Variants in COL12A1 observed in about 807,000 individuals in gnomAD.
COL12A1 encodes the protein collagen alpha-1(XII) chain.
In COL12A1, 114 loss-of-function variants were observed where a neutral mutation model predicts 349.7. The observed-to-expected ratio is 0.33, with a 90% CI of 0.28 to 0.38. The LOEUF (loss-of-function observed/expected upper bound fraction) is 0.38. Among genes scored for constraint, COL12A1 ranks in the 10% least tolerant of loss-of-function variants. The pLI is 1.00. For synonymous variants in COL12A1, 1,369 were observed against 1,329.0 expected (o/e 1.03, Z -0.66); for missense variants, 3,284 against 3,756.9 (o/e 0.87, Z 3.29).
intron 2 of COL12A1, among the ~76,000 whole-genome samples, chr6:75,199,691 C>A (rs1443835650): frequency 6.6e-6 from 1 of 152,154 alleles, no homozygotes; most frequent in African/African-American, 2.4e-5. Context: ...CACTCAGATA[C>A]AGTTGATAAA....
In COL12A1 at chr6:75,117,477, G is replaced by A; in HGVS notation, c.7424C>T (p.Pro2475Leu). The A allele has an allele frequency of 6.2e-7, 1 of 1,613,696 alleles. No homozygotes were observed. The highest frequency in any genetic ancestry group is 1.1e-5 in the South Asian group (1 of 91,074). Residue 2475 changes from proline (P) to leucine (L), a missense_variant, in exon 47 of 66, where the codon CCA (proline) becomes CTA (leucine). Around this residue, in one of 2 missense-constraint regions of COL12A1, gnomAD observed 683 missense variants for 932.1 expected, o/e 0.73. Transcript: ENST00000322507. ...YNELANIASK[P>L]SERHVFIVDD... is the part of the protein sequence containing the mutation. Reference sequence around the variant, plus strand: ...CACAATGAACACGTGCCGTTCACTTGGTTTGCTGGCAATGTTGGCAAGCTC... The same window carrying A: ...CACAATGAACACGTGCCGTTCACTTAGTTTGCTGGCAATGTTGGCAAGCTC...
At chr6:75,181,960 G>A (rs1350819527) in intron 10 of COL12A1, among the ~76,000 whole-genome samples, 2 of 150,582 alleles carry the variant, frequency 1.3e-5, no homozygotes, top group African/African-American at 5.0e-5. Context: ...GCCAGGCGTG[G>A]TGGCACACTC....
At chr6:75,193,623 C>A (rs1770062083) in intron 3 of COL12A1, among the ~76,000 whole-genome samples, 1 of 152,118 alleles carries the variant, frequency 6.6e-6, no homozygotes, top group Admixed American at 6.5e-5. Flanking sequence ...AGTACGTGTG[C>A]ACAACGTGCA....
chr6:75,190,176 A>G (rs16886261), intron 5 of COL12A1, among the ~76,000 whole-genome samples: 1,969 of 152,068 alleles, frequency 0.013, 41 homozygotes, highest in African/African-American at 0.045. Context: ...CTTTACAAGT[A>G]CAAATTTTAT....
rs143271909 is a variant in COL12A1 at position 75,102,477 on chromosome 6, G to T, written c.8415+120C>A. The stretch of plus-strand genomic sequence containing the variant: ...CAGTCATCATAGAGGCTGCTATCTC[G>T]GTGACTAACCTCGTTGAATTATCTG... On this transcript the variant is annotated intron_variant, in intron 56 of 65. Transcript: ENST00000322507. The T allele has an allele frequency of 1.2e-5, 8 of 654,472 alleles. No homozygotes were observed. The Admixed American group carries it at 1.6e-4, about 13-fold the overall frequency. 40.5% of individuals were successfully genotyped at this position (654,472 alleles called of 1,614,324 possible).
At chr6:75,134,941 C>A (rs750157031) in intron 31 of COL12A1, 86 bp from the exon 32 acceptor site, 250 of 1,401,224 alleles carry the variant, frequency 1.8e-4, no homozygotes, top group Admixed American at 1.9e-4. Context: ...TACAGGGAAG[C>A]TGTTTGAGAC....
intron 27 of COL12A1, among the ~76,000 whole-genome samples, chr6:75,140,186 C>G (rs1015617351): frequency 5.9e-5 from 9 of 152,198 alleles, no homozygotes; most frequent in African/African-American, 2.2e-4. Context: ...ACACCTGTTA[C>G]GTTATTTTTA....
rs527942663 is a variant in COL12A1 at position 75,086,409 on chromosome 6, C to T, written c.*138G>A. 5.0e-6 allele frequency: 3 copies of T among 596,442 alleles called. No individual in the cohort carries two copies. Among genetic ancestry groups the T allele is most frequent in the South Asian group, 2.8e-5 (1 of 35,106 alleles). 36.9% of individuals were successfully genotyped at this position (596,442 alleles called of 1,614,324 possible). Reference sequence around the variant, plus strand: ...GAGTCTCCACCCTCCTTTGTGATGTCGACCCGGTTCGTTAACCATTATCTG... The same window carrying T: ...GAGTCTCCACCCTCCTTTGTGATGTTGACCCGGTTCGTTAACCATTATCTG... On this transcript the variant is annotated 3_prime_UTR_variant, in exon 66 of 66. Transcript: ENST00000322507.
intron 14 of COL12A1, 78 bp from the exon 15 acceptor site, chr6:75,156,601 G>T: frequency 7.3e-7 from 1 of 1,361,358 alleles, no homozygotes; most frequent in Non-Finnish European, 1.0e-6. Context: ...TATGTGAAAA[G>T]AAACTCTCTG....
Position 75,183,581 on chromosome 6 carries a change from C to T in COL12A1, c.1360G>A (p.Ala454Thr). The change falls in exon 10 of 66, where the codon GCA (alanine) becomes ACA (threonine). Residue 454 changes from alanine (A) to threonine (T), a missense_variant. Ala to Thr is a moderately conservative substitution (Grantham distance 58, BLOSUM62 0). This residue lies in a region of COL12A1 where 2,601 missense variants were observed against 2,824.8 expected (regional missense o/e 0.92). Coordinates refer to ENST00000322507, the MANE Select transcript of COL12A1 (RefSeq NM_004370.6). ...AAGGCTCTAACTTTAACAAAGTTTG[C>T]AATCCCAATGCTATAGGAGCCATCA... is the stretch of plus-strand genomic sequence containing the variant. ...LVDGSYSIGI[A>T]NFVKVRAFLE... 3 of 1,614,084 alleles carry T rather than the reference C, an allele frequency of 1.9e-6. No homozygotes were observed. Among genetic ancestry groups the T allele is most frequent in the Non-Finnish European group, 2.5e-6 (3 of 1,180,006 alleles).
At chr6:75,198,774 G>A (rs1770367916) in intron 2 of COL12A1, among the ~76,000 whole-genome samples, 1 of 152,042 alleles carries the variant, frequency 6.6e-6, no homozygotes, top group South Asian at 2.1e-4. Context: ...ATAAGTTTTG[G>A]TAAGTATACA....
rs559028883 is a variant in COL12A1 at position 75,175,202 on chromosome 6, G to T, written c.2546C>A (p.Thr849Asn). The T allele has an allele frequency of 1.2e-6, 2 of 1,614,112 alleles. No homozygotes were observed. Among genetic ancestry groups the T allele is most frequent in the Middle Eastern group, 1.6e-4 (1 of 6,062 alleles). ...GKVKQYLVTY[T>N]PVAGGETQEV... The stretch of plus-strand genomic sequence containing the variant: ...TTGAGTTTCACCCCCTGCCACTGGG[G>T]TATATGTGACGAGATACTGTTTCAC... Residue 849 changes from threonine to asparagine, a missense_variant, in exon 13 of 66, where the codon ACC becomes AAC. Physicochemically the swap from Thr to Asn is moderately conservative, Grantham distance 65. Transcript: ENST00000322507.
At chr6:75,135,909 G>A (rs1401476086) in intron 31 of COL12A1, among the ~76,000 whole-genome samples, 1 of 152,040 alleles carries the variant, frequency 6.6e-6, no homozygotes. Flanking sequence ...GTAAGCAGAG[G>A]GGCATCTACC....
Position 75,183,258 on chromosome 6 carries a change from C to G in COL12A1, c.1683G>C (p.Ala561=). 6.2e-7 allele frequency: 1 copy of G among 1,614,184 alleles called. No homozygotes were observed. Among genetic ancestry groups the G allele is most frequent in the South Asian group, 1.1e-5 (1 of 91,086 alleles). ...CAACATCTGAATTCCTCAGTTTTAT[C>G]GCAGGATCTCTGAAAGCATCTGATG... ...GKSSDAFRDP[A]IKLRNSDVEI... The change falls in exon 10 of 66, where the codon GCG becomes GCC. Residue 561 remains alanine (A), a synonymous_variant. Transcript: ENST00000322507.
At chr6:75,094,273 A>G (rs1767904190) in intron 60 of COL12A1, among the ~76,000 whole-genome samples, 1 of 152,200 alleles carries the variant, frequency 6.6e-6, no homozygotes, top group South Asian at 2.1e-4. Context: ...CTGTCCAGAG[A>G]AGAGCCCTGA....
rs780000164 is a variant in COL12A1 at position 75,095,183 on chromosome 6, C to T, written c.8578-4G>A. The T allele has an allele frequency of 5.3e-5, 85 of 1,611,706 alleles. 2 individuals are homozygous for T. In the Middle Eastern group the frequency reaches 6.6e-4, roughly 12 times the overall value. On this transcript the variant is annotated splice_polypyrimidine_tract_variant and splice_region_variant and intron_variant, in intron 59 of 65. Coordinates refer to ENST00000322507, the MANE Select transcript of COL12A1 (RefSeq NM_004370.6). ...CTCCTGGGGAGCCTGGGCTTCCCTA[C>T]AACACATGGAAAGGGAAGGGGACTG...
chr6:75,114,895 T>C (rs1394468538), intron 49 of COL12A1, among the ~76,000 whole-genome samples: 1 of 152,102 alleles, frequency 6.6e-6, no homozygotes, highest in African/African-American at 2.4e-5. Flanking sequence ...CAATAGGCTG[T>C]CATAAGTTAA....
intron 49 of COL12A1, among the ~76,000 whole-genome samples, chr6:75,115,331 A>G (rs943987682): frequency 3.3e-5 from 5 of 152,142 alleles, no homozygotes; most frequent in Admixed American, 2.0e-4. Context: ...TTGCTAGAGC[A>G]TCAGCCAATA....
In COL12A1 at chr6:75,101,584, G is replaced by A. The variant is rs751486526; in HGVS notation, c.8523+16C>T. The A allele has an allele frequency of 1.6e-5, 25 of 1,611,234 alleles. No homozygotes were observed. In the Admixed American group the frequency reaches 3.9e-4, roughly 25 times the overall value. On this transcript the variant is annotated intron_variant, in intron 58 of 65. Coordinates refer to ENST00000322507, the MANE Select transcript of COL12A1 (RefSeq NM_004370.6). ...ATCATTTCCAACATCATTGTAGCCT[G>A]CTCAAGAAAACTTACTCTGTCTCCT...
Sources: gnomAD v4.1 joint callset for allele counts (sites outside exome capture counted in the v4.1 genomes callset) on GRCh38, gnomAD v4.1.1 for gene constraint, gnomAD v4.1.1 regional missense constraint, MANE v1.5 for transcripts, NCBI Gene and HGNC (gene_info 2026-07-23, HGNC 2026-07-21) for gene names.